Variants in SEPTIN7 observed in about 807,000 individuals in gnomAD.
SEPTIN7 encodes septin 7.
SEPTIN7 carries 10 observed loss-of-function variants against 63.3 expected under a neutral mutation model. The ratio of observed to expected loss-of-function variants is 0.16; its 90% confidence interval spans 0.10 to 0.27. The LOEUF (loss-of-function observed/expected upper bound fraction) is 0.27. SEPTIN7 is among the 10% of genes least tolerant of loss of function. The pLI is 1.00. For synonymous variants in SEPTIN7, 131 were observed against 165.3 expected (o/e 0.79, Z 1.59); for missense variants, 310 against 521.0 (o/e 0.59, Z 3.94).
the SEPTIN7 span, among the ~76,000 whole-genome samples, chr7:35,915,287 A>T: frequency 6.6e-6 from 1 of 152,124 alleles, no homozygotes. Context: ...ACACATGCAA[A>T]TGTTCACCCA....
intron 11 of SEPTIN7, among the ~76,000 whole-genome samples, chr7:35,895,137 A>AT (rs1787883769): frequency 2.6e-5 from 4 of 152,206 alleles, no homozygotes; most frequent in African/African-American, 9.6e-5. Context: ...TTTCCTATTA[A>AT]AAAGCAGGCA....
chr7:35,886,373 A>AAG (rs1179441174), intron 10 of SEPTIN7, among the ~76,000 whole-genome samples: 18 of 152,314 alleles, frequency 1.2e-4, no homozygotes, highest in Admixed American at 9.8e-4. Flanking sequence ...CACCTGCTGA[A>AAG]AGAGAAGGAA....
rs34277356 is a variant in SEPTIN7 at position 35,905,522 on chromosome 7, AT to A, written c.*1239del. On this transcript the variant is annotated 3_prime_UTR_variant, in exon 14 of 14. Transcript: ENST00000350320. ...TTTGTATGCTTATTTTTCTGAGAACATTTTTTTTTTCCCCCAGACAGGGTCT... is the reference window on the plus strand; with the variant it reads ...TTTGTATGCTTATTTTTCTGAGAACATTTTTTTTTCCCCCAGACAGGGTCT... 0.33 allele frequency: 49,375 copies of A among 150,126 alleles called. 8,282 individuals carry two copies. The highest frequency in any genetic ancestry group is 0.41 in the East Asian group (2,078 of 5,090). 9.3% of individuals were successfully genotyped at this position (150,126 alleles called of 1,614,324 possible).
chr7:35,864,701 T>C, intron 4 of SEPTIN7, among the ~76,000 whole-genome samples: 1 of 152,196 alleles, frequency 6.6e-6, no homozygotes, highest in Non-Finnish European at 1.5e-5. Context: ...GATATGGTAT[T>C]TTTGTTTGTC....
chr7:35,838,260 C>A (rs574536455), intron 3 of SEPTIN7, among the ~76,000 whole-genome samples: 252 of 10,576 alleles, frequency 0.024, 13 homozygotes, highest in African/African-American at 0.085. Flanking sequence ...TTCCTTCCTT[C>A]CTTCCTTCCT....
intron 1 of SEPTIN7, among the ~76,000 whole-genome samples, chr7:35,801,606 G>C (rs917454517): frequency 5.3e-5 from 8 of 152,120 alleles, no homozygotes; most frequent in African/African-American, 1.9e-4. Flanking sequence ...GCTTCTCTCC[G>C]TCCCTTCGCC....
chr7:35,877,104 T>G, intron 6 of SEPTIN7, among the ~76,000 whole-genome samples: 1 of 152,078 alleles, frequency 6.6e-6, no homozygotes, highest in South Asian at 2.1e-4. Flanking sequence ...AGCAAGACCC[T>G]GTCAAAAAAA....
At chr7:35,863,707 A>G (rs867324461) in intron 4 of SEPTIN7, 49 bp downstream of exon 4, 13 of 951,224 alleles carry the variant, frequency 1.4e-5, no homozygotes, top group Middle Eastern at 3.2e-4. Flanking sequence ...ATATTAATAC[A>G]CACAAAGCAC....
downstream of SEPTIN7, chr7:35,907,169 A>G (rs10233082): frequency 0.31 from 47,651 of 152,110 alleles, 7,688 homozygotes; most frequent in East Asian, 0.48. Context: ...GTATGTGGAT[A>G]GTTAATAGTT....
intron 1 of SEPTIN7, among the ~76,000 whole-genome samples, chr7:35,829,965 A>G (rs1583521961): frequency 6.6e-6 from 1 of 152,242 alleles, no homozygotes; most frequent in East Asian, 1.9e-4. Context: ...AGGCGGGTGG[A>G]TCATGAGGTC....
intron 12 of SEPTIN7, chr7:35,902,599 T>G (rs539048337): frequency 6.6e-6 from 1 of 152,370 alleles, no homozygotes; most frequent in East Asian, 1.9e-4. Context: ...CTACCTGCTT[T>G]CTTTTCACTT....
At position 35,904,566 on chromosome 7, in the gene SEPTIN7, A is replaced by G; in HGVS notation, c.*273A>G. 3.8e-6 allele frequency: 1 copy of G among 265,986 alleles called. No homozygotes were observed. Among genetic ancestry groups the G allele is most frequent in the East Asian group, 6.6e-5 (1 of 15,252 alleles). The allele number at this position is 265,986 out of a possible 1,614,324, so 16.5% of individuals were successfully genotyped here. On this transcript the variant is annotated 3_prime_UTR_variant, in exon 14 of 14. Coordinates refer to ENST00000350320, the MANE Select transcript of SEPTIN7 (RefSeq NM_001788.6). ...GATATCTTCAGTTTAATGCAAGAGAACATTTTACTGTTGTACAATCATGTT... is the reference window on the plus strand; with the variant it reads ...GATATCTTCAGTTTAATGCAAGAGAGCATTTTACTGTTGTACAATCATGTT...
chr7:35,875,248 T>G (rs1786400244), intron 6 of SEPTIN7, among the ~76,000 whole-genome samples: 1 of 152,190 alleles, frequency 6.6e-6, no homozygotes, highest in Non-Finnish European at 1.5e-5. Context: ...GTAAGATGTT[T>G]AAAATTGCTA....
intron 10 of SEPTIN7, among the ~76,000 whole-genome samples, chr7:35,890,330 G>T (rs1234187796): frequency 6.6e-6 from 1 of 151,956 alleles, no homozygotes; most frequent in African/African-American, 2.4e-5. Flanking sequence ...CTTCAGTAGT[G>T]GCCAATCTGC....
intron 1 of SEPTIN7, among the ~76,000 whole-genome samples, chr7:35,821,991 G>T (rs1386040711): frequency 6.6e-6 from 1 of 152,074 alleles, no homozygotes; most frequent in Non-Finnish European, 1.5e-5. Context: ...GGCTGGTCTC[G>T]AACTCCTGAC....
Position 35,906,504 on chromosome 7 carries a change from T to C in SEPTIN7, c.*2211T>C, listed in dbSNP as rs1788614535. Reference sequence around the variant, plus strand: ...AATGGCAGTGTCTGTTCTCCACTGTTGGAGGCATTATGTAATTTAAGTATC... The same window carrying C: ...AATGGCAGTGTCTGTTCTCCACTGTCGGAGGCATTATGTAATTTAAGTATC... On this transcript the variant is annotated 3_prime_UTR_variant, in exon 14 of 14. Coordinates refer to ENST00000350320, the MANE Select transcript of SEPTIN7 (RefSeq NM_001788.6). 6.6e-6 allele frequency: 1 copy of C among 152,260 alleles called. No individual in the cohort carries two copies. Among genetic ancestry groups the C allele is most frequent in the African/African-American group, 2.4e-5 (1 of 41,470 alleles). The allele number at this position is 152,260 out of a possible 1,614,324, so 9.4% of individuals were successfully genotyped here. A position where few individuals can be genotyped will look rare whatever the true frequency, so the allele number is the denominator to read the frequency against.
intron 3 of SEPTIN7, among the ~76,000 whole-genome samples, chr7:35,850,147 T>G (rs1784890294): frequency 6.6e-6 from 1 of 152,220 alleles, no homozygotes; most frequent in South Asian, 2.1e-4. Context: ...TGGAATATGA[T>G]CATCTATTTT....
chr7:35,848,148 A>G (rs1347052391), intron 3 of SEPTIN7: 9 of 152,208 alleles, frequency 5.9e-5, no homozygotes, highest in Non-Finnish European at 7.3e-5. Flanking sequence ...GTGTAACTCA[A>G]AACTAGCTCT....
intron 3 of SEPTIN7, among the ~76,000 whole-genome samples, chr7:35,838,298 T>C (rs190419629): frequency 5.2e-3 from 28 of 5,406 alleles, no homozygotes; most frequent in African/African-American, 0.017. Flanking sequence ...CCTTCCTTCC[T>C]TCCTTCCCTC....
Sources: allele counts gnomAD v4.1 joint callset (sites outside exome capture counted in the v4.1 genomes callset), GRCh38; gene constraint gnomAD v4.1.1; transcripts MANE v1.5; gene names NCBI Gene and HGNC (gene_info 2026-07-23, HGNC 2026-07-21).